The following GUCY1B1 variants were observed in gnomAD, a reference collection of about 807,000 sequenced individuals.
GUCY1B1 encodes guanylate cyclase 1 soluble subunit beta 1, also known as guanylate cyclase soluble subunit beta-1.
In GUCY1B1, 43 loss-of-function variants were observed where a neutral mutation model predicts 71.0. The observed-to-expected ratio is 0.61, with a 90% confidence interval of 0.47 to 0.78. The LOEUF (loss-of-function observed/expected upper bound fraction) is 0.78. GUCY1B1 is among the 30% of genes least tolerant of loss of function. The pLI is 0.00. For synonymous variants in GUCY1B1, 266 were observed against 259.7 expected, an observed-to-expected ratio of 1.02 and a Z score of -0.23; for missense variants, 535 against 754.1, an observed-to-expected ratio of 0.71 and a Z score of 3.40.
rs1040862658 is a variant in GUCY1B1 at position 155,802,812 on chromosome 4, A to T, written c.1413+233A>T. 6.6e-6 allele frequency among the ~76,000 whole-genome samples: 1 copy of T among 152,214 alleles called. No individual in the cohort carries two copies. The highest frequency in any genetic ancestry group is 6.5e-5 in the Admixed American group (1 of 15,280). On this transcript the variant is annotated intron_variant, in intron 10 of 13. Coordinates refer to ENST00000264424, the MANE Select transcript of GUCY1B1 (RefSeq NM_000857.5). The surrounding 1 kb of genome is among the most constrained non-coding windows in gnomAD (Gnocchi z 4.3). ...CATGAAGTGGGTGATTCCCTGGTTA[A>T]AATGAAATGTTCACCATCTTATTTG... is the stretch of plus-strand genomic sequence containing the variant.
chr4:155,786,727 C>T (rs1426170924), intron 4 of GUCY1B1, among the ~76,000 whole-genome samples: 1 of 152,080 alleles, frequency 6.6e-6, no homozygotes, highest in South Asian at 2.1e-4. Flanking sequence ...CCCGCCTTGG[C>T]CTCCCAAAGT....
chr4:155,772,773 T>G (rs1385718284), intron 2 of GUCY1B1: 2 of 702,374 alleles, frequency 2.8e-6, no homozygotes, highest in Non-Finnish European at 5.2e-6. Context: ...TCCGGTTCAT[T>G]TAGCTGGTAA....
At chr4:155,776,637 T>TG (rs1738069954) in intron 3 of GUCY1B1, among the ~76,000 whole-genome samples, 1 of 151,942 alleles carries the variant, frequency 6.6e-6, no homozygotes. Flanking sequence ...ACCAGTGCAC[T>TG]ACAGCCTGGG....
intron 2 of GUCY1B1, among the ~76,000 whole-genome samples, chr4:155,773,197 T>C (rs143651337): frequency 1.1e-3 from 168 of 152,354 alleles, no homozygotes; most frequent in African/African-American, 3.8e-3. Context: ...TTTTGTGAAG[T>C]TAACATTGGC....
chr4:155,804,277 C>T (rs1048691063), intron 11 of GUCY1B1, among the ~76,000 whole-genome samples: 5 of 152,036 alleles, frequency 3.3e-5, no homozygotes, highest in African/African-American at 4.8e-5. Flanking sequence ...AAACCAAACA[C>T]CACATGTTCT....
At chr4:155,775,445 A>C (rs1192657394) in intron 3 of GUCY1B1, among the ~76,000 whole-genome samples, 1 of 151,982 alleles carries the variant, frequency 6.6e-6, no homozygotes, top group African/African-American at 2.4e-5. Context: ...GGCACGCACC[A>C]CCACGCCCAG....
At chr4:155,780,660 A>G (rs956018826) in intron 4 of GUCY1B1, among the ~76,000 whole-genome samples, 1 of 152,226 alleles carries the variant, frequency 6.6e-6, no homozygotes, top group Non-Finnish European at 1.5e-5. Context: ...AAAGCAGAAA[A>G]CACACAATAG....
Position 155,796,344 on chromosome 4 carries a change from C to A in GUCY1B1, c.844-33C>A, listed in dbSNP as rs1003438128. On this transcript the variant is annotated intron_variant, in intron 7 of 13. Transcript: ENST00000264424. ...CTGAATTCTTAGGTAGGGAGAAAGGCATTCATTAATGGTTGTATCTTGCCT... is the reference window on the plus strand; with the variant it reads ...CTGAATTCTTAGGTAGGGAGAAAGGAATTCATTAATGGTTGTATCTTGCCT... The A allele has an allele frequency of 2.5e-6, 4 of 1,597,442 alleles. No individual in the cohort carries two copies. The African/African-American group carries it at 4.0e-5, about 16-fold the overall frequency.
chr4:155,768,456 G>GTTTT (rs35462860), intron 2 of GUCY1B1, among the ~76,000 whole-genome samples: 80 of 128,560 alleles, frequency 6.2e-4, no homozygotes, highest in East Asian at 1.2e-3. Context: ...TTACTTGTTT[G>GTTTT]TTTTTTTTTT....
At chr4:155,796,972 A>G (rs1739598091) in intron 8 of GUCY1B1, among the ~76,000 whole-genome samples, 1 of 152,198 alleles carries the variant, frequency 6.6e-6, no homozygotes, top group Admixed American at 6.5e-5. Context: ...AATTAAAAAT[A>G]TTTACCTACT....
intron 5 of GUCY1B1, among the ~76,000 whole-genome samples, 162 bp downstream of exon 5, chr4:155,790,073 G>GCATTTGGAGTGCATTATACTATATTTTT (rs1324752157): frequency 2.6e-5 from 4 of 152,164 alleles, no homozygotes; most frequent in Admixed American, 2.0e-4. Flanking sequence ...TATTTGGCCT[G>GCATTTGGAGTGCATTATACTATATTTTT]GGAGTGCATT....
intron 3 of GUCY1B1, among the ~76,000 whole-genome samples, chr4:155,775,367 AC>A (rs1737972428): frequency 6.6e-6 from 1 of 152,158 alleles, no homozygotes; most frequent in Non-Finnish European, 1.5e-5. Flanking sequence ...ACTCCGGCTC[AC>A]TGCATCCTCT....
At chr4:155,775,812 AAG>A (rs1738004706) in intron 3 of GUCY1B1, among the ~76,000 whole-genome samples, 1 of 152,060 alleles carries the variant, frequency 6.6e-6, no homozygotes, top group South Asian at 2.1e-4. Flanking sequence ...CTTTCTGAAG[AAG>A]GCAAAGTTTT....
chr4:155,774,730 T>A (rs1433675718), intron 2 of GUCY1B1, among the ~76,000 whole-genome samples: 3 of 152,180 alleles, frequency 2.0e-5, no homozygotes, highest in Non-Finnish European at 4.4e-5. Flanking sequence ...TACTATGTAC[T>A]GTTAATCTTG....
chr4:155,761,179 C>A (rs1249025985), intron 2 of GUCY1B1, among the ~76,000 whole-genome samples: 1 of 152,102 alleles, frequency 6.6e-6, no homozygotes, highest in East Asian at 1.9e-4. Context: ...AACATAGGCA[C>A]CAAAAGTTAC....
chr4:155,777,439 TTAA>T (rs1738131327), intron 3 of GUCY1B1, 82 bp from the exon 4 acceptor site: 1 of 774,364 alleles, frequency 1.3e-6, no homozygotes, highest in Non-Finnish European at 2.3e-6. Flanking sequence ...TTTACATTAC[TTAA>T]TAAACACTTA....
intron 11 of GUCY1B1, 27 bp from the exon 12 acceptor site, chr4:155,804,565 GA>G: frequency 6.4e-7 from 1 of 1,572,628 alleles, no homozygotes; most frequent in Non-Finnish European, 8.7e-7. Flanking sequence ...TGATCAAAAT[GA>G]TTGAAGCAAA....
intron 8 of GUCY1B1, among the ~76,000 whole-genome samples, chr4:155,797,117 A>G (rs1424105744): frequency 5.9e-5 from 9 of 152,220 alleles, no homozygotes; most frequent in African/African-American, 1.9e-4. Context: ...ACTAGGAGAT[A>G]CATGGGAATT....
At position 155,759,645 on chromosome 4, in the gene GUCY1B1, A is replaced by G. The variant is rs79272401; in HGVS notation, c.4-142A>G. On this transcript the variant is annotated intron_variant, in intron 1 of 13. Transcript: ENST00000264424. ...CCCCACGATCCGACTCCTTTAGTGC[A>G]TAGTACCCCTAAGGGAGAGGAGTCA... 4.6e-4 allele frequency: 280 copies of G among 607,974 alleles called. 3 individuals are homozygous for G. In the East Asian group the frequency reaches 8.0e-3, roughly 17 times the overall value. 37.7% of individuals were successfully genotyped at this position (607,974 alleles called of 1,614,324 possible). A position where few individuals can be genotyped will look rare whatever the true frequency, so the allele number is the denominator to read the frequency against.
Sources: gnomAD v4.1 joint callset for allele counts (sites outside exome capture counted in the v4.1 genomes callset) on GRCh38, gnomAD v4.1.1 for gene constraint, Gnocchi (gnomAD v3.1) non-coding constraint, MANE v1.5 for transcripts, NCBI Gene and HGNC (gene_info 2026-07-23, HGNC 2026-07-21) for gene names.